PLCL1: variants seen among roughly 807,000 people sequenced by gnomAD.
PLCL1 encodes phospholipase C like 1 (inactive), also known as inactive phospholipase C-like protein 1.
PLCL1 carries 41 observed loss-of-function variants against 84.4 expected under a neutral mutation model. The observed-to-expected ratio is 0.49, with a 90% confidence interval of 0.38 to 0.63. PLCL1 has a LOEUF of 0.63. PLCL1 is among the 30% of genes least tolerant of loss of function. The pLI is 0.00. For missense variants in PLCL1, 1,206 were observed against 1,367.8 expected, an observed-to-expected ratio of 0.88 and a Z score of 1.87; for synonymous variants, 490 against 488.3, an observed-to-expected ratio of 1.00 and a Z score of -0.05.
chr2:198,116,424 A>G (rs1460767615), intron 5 of PLCL1, among the ~76,000 whole-genome samples: 2 of 151,912 alleles, frequency 1.3e-5, no homozygotes, highest in Admixed American at 6.6e-5. Flanking sequence ...ATACCTATCT[A>G]TGAATGCAGG....
chr2:197,947,050 T>C (rs1689288216), intron 1 of PLCL1, among the ~76,000 whole-genome samples: 1 of 152,052 alleles, frequency 6.6e-6, no homozygotes, highest in African/African-American at 2.4e-5. Flanking sequence ...TAAATATTTA[T>C]TGAGTGCTTA....
intron 5 of PLCL1, among the ~76,000 whole-genome samples, chr2:198,141,959 A>C (rs1354040946): frequency 6.6e-6 from 1 of 152,200 alleles, no homozygotes; most frequent in Non-Finnish European, 1.5e-5. Context: ...TGTGCTCTGA[A>C]ACAACCCACT....
chr2:198,003,601 T>C (rs970540189), intron 1 of PLCL1, among the ~76,000 whole-genome samples: 7 of 152,240 alleles, frequency 4.6e-5, no homozygotes, highest in African/African-American at 1.7e-4. Flanking sequence ...GTCTAACTTC[T>C]AGTATTTCAG....
chr2:197,858,997 A>T (rs1375585020), intron 1 of PLCL1, among the ~76,000 whole-genome samples: 1 of 152,128 alleles, frequency 6.6e-6, no homozygotes, highest in African/African-American at 2.4e-5. Context: ...GCCTTTAAAG[A>T]GGGAGAGAGA....
chr2:198,136,105 A>C (rs1385517652), intron 5 of PLCL1, among the ~76,000 whole-genome samples: 2 of 152,118 alleles, frequency 1.3e-5, no homozygotes, highest in Non-Finnish European at 2.9e-5. Context: ...CACTTTGTCA[A>C]CTTGTCTTTT....
At chr2:198,101,125 G>A (rs1026558816) in intron 3 of PLCL1, among the ~76,000 whole-genome samples, 160 bp from the exon 4 acceptor site, 2 of 152,034 alleles carry the variant, frequency 1.3e-5, no homozygotes, top group Admixed American at 6.6e-5. Context: ...GGATGGATGG[G>A]GGTTGGAACA....
chr2:197,861,980 T>C (rs755172514), intron 1 of PLCL1, among the ~76,000 whole-genome samples: 62 of 152,324 alleles, frequency 4.1e-4, no homozygotes, highest in Admixed American at 7.9e-4. Flanking sequence ...GGCACTCTTC[T>C]TTTTCAGTTT....
At chr2:197,839,127 C>A (rs1691247260) in intron 1 of PLCL1, among the ~76,000 whole-genome samples, 1 of 152,156 alleles carries the variant, frequency 6.6e-6, no homozygotes, top group Admixed American at 6.5e-5. Flanking sequence ...AGCAGTTATT[C>A]TCAACACTAC....
intron 1 of PLCL1, among the ~76,000 whole-genome samples, chr2:197,854,191 A>C (rs1202225819): frequency 6.6e-6 from 1 of 152,180 alleles, no homozygotes; most frequent in Non-Finnish European, 1.5e-5. Flanking sequence ...CAGTTACACA[A>C]AAGTATTTGT....
intron 2 of PLCL1, among the ~76,000 whole-genome samples, 198 bp from the exon 3 acceptor site, chr2:198,088,659 GC>G (rs1201386892): frequency 6.6e-6 from 1 of 152,174 alleles, no homozygotes; most frequent in Admixed American, 6.5e-5. Flanking sequence ...GAAAAGCACT[GC>G]ATAGCCTTGT....
intron 3 of PLCL1, among the ~76,000 whole-genome samples, chr2:198,093,707 C>T (rs1388054825): frequency 6.6e-6 from 1 of 152,014 alleles, no homozygotes; most frequent in Non-Finnish European, 1.5e-5. Flanking sequence ...CTAAAAAATG[C>T]AGAATATGTT....
intron 2 of PLCL1, 67 bp downstream of exon 2, chr2:198,086,299 A>T: frequency 8.5e-7 from 1 of 1,175,780 alleles, no homozygotes; most frequent in Non-Finnish European, 1.2e-6. Context: ...TGTTTTATTA[A>T]TAATCTGATT....
intron 5 of PLCL1, among the ~76,000 whole-genome samples, chr2:198,118,385 GGAGA>G (rs1296545149): frequency 2.0e-5 from 3 of 151,838 alleles, no homozygotes; most frequent in Admixed American, 2.0e-4. Context: ...GAGAGGGAGA[GGAGA>G]GAGAGAAAGG....
chr2:197,975,141 C>T (rs1276531669), intron 1 of PLCL1, among the ~76,000 whole-genome samples: 8 of 117,262 alleles, frequency 6.8e-5, no homozygotes, highest in Non-Finnish European at 1.2e-4. Flanking sequence ...GAGCGAGACT[C>T]CATCTCAAAA....
chr2:198,014,903 C>T (rs1162110601), intron 1 of PLCL1, among the ~76,000 whole-genome samples: 2 of 152,070 alleles, frequency 1.3e-5, no homozygotes, highest in Non-Finnish European at 2.9e-5. Flanking sequence ...AGGCTTATTA[C>T]AGGAATTTTT....
In PLCL1 at chr2:198,094,924, G is replaced by A. The variant is rs182464558; in HGVS notation, c.2919+5863G>A. ...AGAGATGACTTTGCTGATATAAAAC[G>A]TGTCACGGCTGGAGGTGGGAAGTGT... On this transcript the variant is annotated intron_variant, in intron 3 of 5. Transcript: ENST00000428675. 2.5e-3 allele frequency among the ~76,000 whole-genome samples: 385 copies of A among 152,256 alleles called. 2 individuals carry two copies. Among genetic ancestry groups the A allele is most frequent in the African/African-American group, 8.7e-3 (360 of 41,552 alleles).
At chr2:197,832,712 C>T (rs1366509751) in intron 1 of PLCL1, among the ~76,000 whole-genome samples, 2 of 151,966 alleles carry the variant, frequency 1.3e-5, no homozygotes, top group Admixed American at 6.6e-5. Context: ...AAGAAAATTT[C>T]AGGCCAGTAT....
At chr2:197,988,799 A>ACTGTT (rs1442540513) in intron 1 of PLCL1, among the ~76,000 whole-genome samples, 1 of 152,200 alleles carries the variant, frequency 6.6e-6, no homozygotes, top group African/African-American at 2.4e-5. Flanking sequence ...AAATCTCTGT[A>ACTGTT]CTGTTTTCCA....
intron 1 of PLCL1, among the ~76,000 whole-genome samples, chr2:197,894,894 T>C (rs1688103359): frequency 6.6e-6 from 1 of 151,976 alleles, no homozygotes; most frequent in African/African-American, 2.4e-5. Context: ...ACATGGCACA[T>C]GGCTGGCAGC....
Sources: allele counts gnomAD v4.1 joint callset (sites outside exome capture counted in the v4.1 genomes callset), GRCh38; gene constraint gnomAD v4.1.1; transcripts MANE v1.5; gene names NCBI Gene and HGNC (gene_info 2026-07-23, HGNC 2026-07-21).